C12orf42: variants seen among roughly 807,000 people sequenced by gnomAD.
The protein encoded by C12orf42 is uncharacterized protein C12orf42.
In C12orf42, 25 loss-of-function variants were observed where a neutral mutation model predicts 21.6. The observed-to-expected ratio is 1.16, with a 90% CI of 0.84 to 1.62. C12orf42 has a LOEUF of 1.62. Ranked by LOEUF, C12orf42 falls within the 40% of genes most tolerant of loss-of-function variation. The pLI, the probability that C12orf42 is intolerant of heterozygous loss-of-function variation, is 0.00. For synonymous variants in C12orf42, 174 were observed against 175.0 expected, an observed-to-expected ratio of 0.99 and a Z score of 0.05; for missense variants, 483 against 459.3, an observed-to-expected ratio of 1.05 and a Z score of -0.47.
chr12:103,446,050 A>G (rs1222545308), intron 2 of C12orf42, among the ~76,000 whole-genome samples: 1 of 151,990 alleles, frequency 6.6e-6, no homozygotes, highest in Admixed American at 6.6e-5. Flanking sequence ...AATAGCAGCT[A>G]ACTTTATACA....
rs185929971 is a variant in C12orf42 at position 103,373,363 on chromosome 12, G to A, written c.148-4365C>T. Among the ~76,000 whole-genome samples, 77 of 152,246 alleles carry A rather than the reference G, an allele frequency of 5.1e-4. No individual in the cohort carries two copies. In the East Asian group the frequency reaches 0.013, roughly 26 times the overall value. Reference sequence around the variant, plus strand: ...TTAAAAGAAATAAATTTCTCTGAATGAAAAGCACCTTTCTTTGTTATCTAA... The same window carrying A: ...TTAAAAGAAATAAATTTCTCTGAATAAAAAGCACCTTTCTTTGTTATCTAA... On this transcript the variant is annotated intron_variant, in intron 3 of 5. Transcript: ENST00000548883.
rs1566046701 is a variant in C12orf42 at position 103,306,283 on chromosome 12, T to C, written c.322A>G (p.Ile108Val). The C allele has an allele frequency of 3.1e-6, 5 of 1,613,696 alleles. No individual in the cohort carries two copies. Among genetic ancestry groups the C allele is most frequent in the African/African-American group, 1.3e-5 (1 of 75,066 alleles). The change falls in exon 5 of 6, where the codon ATA becomes GTA. Residue 108 changes from isoleucine to valine, a missense_variant. Ile to Val is a conservative substitution (Grantham distance 29). Coordinates refer to ENST00000548883, the MANE Select transcript of C12orf42 (RefSeq NM_198521.5). The stretch of plus-strand genomic sequence containing the variant: ...GTGCTTACAGAACACCTGGGGACTA[T>C]GTACTGGCAAGTATGAAGTAGTCTT... Reference protein sequence around the residue: ...CKRLLHTCQYIVPRCSVSTVS... With the variant: ...CKRLLHTCQYVVPRCSVSTVS...
chr12:103,434,737 C>G (rs1329532539), intron 2 of C12orf42, among the ~76,000 whole-genome samples: 1 of 152,232 alleles, frequency 6.6e-6, no homozygotes, highest in Non-Finnish European at 1.5e-5. Context: ...CCGCACCTGG[C>G]TTGGAGGGTC....
downstream of C12orf42, among the ~76,000 whole-genome samples, chr12:103,263,978 C>A (rs557755451): frequency 2.0e-5 from 3 of 152,258 alleles, no homozygotes; most frequent in South Asian, 6.2e-4. Context: ...CCATCCTCTA[C>A]CATTGGACCT....
At chr12:103,539,493 T>C in the C12orf42 span, among the ~76,000 whole-genome samples, 1 of 152,200 alleles carries the variant, frequency 6.6e-6, no homozygotes, top group African/African-American at 2.4e-5. Flanking sequence ...GAAATAATCA[T>C]TATACTGAAT....
intron 10 of C12orf42, among the ~76,000 whole-genome samples, chr12:103,239,157 T>C (rs1340597258): frequency 6.6e-6 from 1 of 152,208 alleles, no homozygotes; most frequent in East Asian, 1.9e-4. Context: ...TCCTCATGGA[T>C]TTCTTGTGAG....
chr12:103,501,462 C>A, the C12orf42 span, among the ~76,000 whole-genome samples: 1 of 152,170 alleles, frequency 6.6e-6, no homozygotes, highest in African/African-American at 2.4e-5. Context: ...GGATTTAAAG[C>A]TCTCATGATG....
At chr12:103,133,662 A>C in the C12orf42 span, among the ~76,000 whole-genome samples, 17 of 152,266 alleles carry the variant, frequency 1.1e-4, no homozygotes, top group African/African-American at 3.6e-4. Context: ...GCACACAGCC[A>C]GAATCAAAGT....
At chr12:103,352,608 A>C (rs905839637) in intron 4 of C12orf42, among the ~76,000 whole-genome samples, 2 of 152,154 alleles carry the variant, frequency 1.3e-5, no homozygotes, top group Non-Finnish European at 2.9e-5. Context: ...CCGTGCACTA[A>C]GAAACATTAA....
the C12orf42 span, among the ~76,000 whole-genome samples, chr12:103,064,981 T>C: frequency 9.8e-5 from 15 of 152,328 alleles, no homozygotes; most frequent in African/African-American, 3.4e-4. Flanking sequence ...CAGACATTCT[T>C]AGCAGCTGGT....
intron 3 of C12orf42, among the ~76,000 whole-genome samples, chr12:103,370,266 C>T (rs974833163): frequency 2.0e-5 from 3 of 152,146 alleles, no homozygotes; most frequent in Non-Finnish European, 4.4e-5. Context: ...AACACTTATA[C>T]ACTGCTGGTG....
chr12:103,277,396 T>G (rs1467105404), intron 4 of C12orf42, among the ~76,000 whole-genome samples: 2 of 152,218 alleles, frequency 1.3e-5, no homozygotes, highest in Non-Finnish European at 2.9e-5. Flanking sequence ...TAATGTTTGG[T>G]TAAACTATCG....
At chr12:103,204,810 TGAAGAA>T in the C12orf42 span, among the ~76,000 whole-genome samples, 2 of 151,982 alleles carry the variant, frequency 1.3e-5, no homozygotes, top group Non-Finnish European at 2.9e-5. Context: ...TTTTGGGACA[TGAAGAA>T]GAAGATGAAA....
At chr12:103,354,696 C>T (rs2043374202) in intron 4 of C12orf42, among the ~76,000 whole-genome samples, 1 of 152,064 alleles carries the variant, frequency 6.6e-6, no homozygotes, top group Non-Finnish European at 1.5e-5. Flanking sequence ...TTCTATTACA[C>T]GGTAGGGTAA....
the C12orf42 span, among the ~76,000 whole-genome samples, chr12:103,190,706 G>A: frequency 6.6e-6 from 1 of 152,126 alleles, no homozygotes; most frequent in Admixed American, 6.6e-5. Context: ...TATTCAGTCA[G>A]AGGAACAAAA....
chr12:103,069,302 ATG>A, the C12orf42 span, among the ~76,000 whole-genome samples: 1 of 151,602 alleles, frequency 6.6e-6, no homozygotes, highest in Non-Finnish European at 1.5e-5. Context: ...AGTTATTTTA[ATG>A]TTTATACAGA....
downstream of C12orf42, among the ~76,000 whole-genome samples, chr12:103,263,967 T>C (rs925301456): frequency 6.6e-6 from 1 of 152,146 alleles, no homozygotes; most frequent in African/African-American, 2.4e-5. Context: ...TGTTTTCTCT[T>C]CCATCCTCTA....
At chr12:103,429,100 C>T (rs10861006) in intron 2 of C12orf42, among the ~76,000 whole-genome samples, 125,144 of 152,158 alleles carry the variant, frequency 0.82, 51,500 homozygotes, top group Admixed American at 0.88. Context: ...TTCAACACAG[C>T]ATTGGAAGTT....
At chr12:103,434,222 C>A (rs1376740523) in intron 2 of C12orf42, among the ~76,000 whole-genome samples, 4 of 152,192 alleles carry the variant, frequency 2.6e-5, no homozygotes, top group Non-Finnish European at 5.9e-5. Flanking sequence ...CCTCTTAGAA[C>A]TGAGTTGCAT....
Sources: allele counts gnomAD v4.1 joint callset (sites outside exome capture counted in the v4.1 genomes callset), GRCh38; gene constraint gnomAD v4.1.1; transcripts MANE v1.5; gene names NCBI Gene and HGNC (gene_info 2026-07-23, HGNC 2026-07-21).